The following SLC26A7 variants were observed in gnomAD, a reference collection of about 807,000 sequenced individuals.
The protein encoded by SLC26A7 is anion exchange transporter.
SLC26A7 carries 59 observed loss-of-function variants against 82.5 expected under a neutral mutation model. That is an observed-to-expected ratio of 0.72 (90% CI 0.58 to 0.89). The LOEUF is 0.89. Ranked by LOEUF, SLC26A7 falls within the 40% of genes least tolerant of loss-of-function variation. SLC26A7 has a pLI of 0.00. For synonymous variants in SLC26A7, 271 were observed against 274.3 expected (o/e 0.99, Z 0.12); for missense variants, 820 against 793.0 (o/e 1.03, Z -0.41).
chr8:91,343,240 G>C, intron 8 of SLC26A7, 113 bp from the exon 9 acceptor site: 1 of 655,596 alleles, frequency 1.5e-6, no homozygotes, highest in East Asian at 2.7e-5. Flanking sequence ...CCCAACTGGT[G>C]GGGAGAACAA....
rs35714602 is a variant in SLC26A7, at chr8:91,394,003, G to C, written c.1899G>C (p.Ser633=). ...LDSEKPIFFE[S]VSAAISHIHS... ...CAGAGAAACCAATTTTTTTTGAATC[G>C]GTATCTGCTGCAATAAGTCATATCC... Residue 633 remains serine (S), a synonymous_variant, in exon 18 of 19, where the codon TCG becomes TCC. Coordinates refer to ENST00000276609, the MANE Select transcript of SLC26A7 (RefSeq NM_052832.4). 1 of 1,613,300 alleles carries C rather than the reference G, an allele frequency of 6.2e-7. No individual in the cohort carries two copies. Among genetic ancestry groups the C allele is most frequent in the Non-Finnish European group, 8.5e-7 (1 of 1,179,538 alleles).
At chr8:91,275,483 G>A (rs1811384036) in intron 2 of SLC26A7, among the ~76,000 whole-genome samples, 1 of 151,916 alleles carries the variant, frequency 6.6e-6, no homozygotes, top group Non-Finnish European at 1.5e-5. Flanking sequence ...AATTTTTTGT[G>A]GAGACAGGGT....
intron 7 of SLC26A7, among the ~76,000 whole-genome samples, chr8:91,339,045 A>G (rs1563687174): frequency 6.6e-6 from 1 of 152,190 alleles, no homozygotes; most frequent in African/African-American, 2.4e-5. Context: ...GCACATATAG[A>G]TATAGGCTAA....
At chr8:91,274,523 G>A (rs1023331139) in intron 2 of SLC26A7, among the ~76,000 whole-genome samples, 16 of 152,168 alleles carry the variant, frequency 1.1e-4, no homozygotes, top group Admixed American at 6.5e-5. Flanking sequence ...AGAGCACCAA[G>A]GAATGCAAGA....
chr8:91,379,883 A>G (rs1351202351), intron 15 of SLC26A7, among the ~76,000 whole-genome samples: 2 of 152,194 alleles, frequency 1.3e-5, no homozygotes, highest in East Asian at 3.9e-4. Context: ...GGAAGAAGAT[A>G]GATGTAACTT....
chr8:91,359,060 C>A (rs1441113369), intron 11 of SLC26A7, among the ~76,000 whole-genome samples: 1 of 152,064 alleles, frequency 6.6e-6, no homozygotes, highest in Non-Finnish European at 1.5e-5. Context: ...GCACATGTAC[C>A]CTAGAACTTA....
chr8:91,363,414 T>G, intron 12 of SLC26A7, 58 bp from the exon 13 acceptor site: 1 of 1,097,828 alleles, frequency 9.1e-7, no homozygotes, highest in Non-Finnish European at 1.3e-6. Flanking sequence ...GGTTTCTTCA[T>G]TGTTTATATA....
chr8:91,226,709 A>T (rs1488655320), intron 2 of SLC26A7, among the ~76,000 whole-genome samples: 1 of 152,250 alleles, frequency 6.6e-6, no homozygotes, highest in Non-Finnish European at 1.5e-5. Flanking sequence ...CAATATAATG[A>T]TAAGTACTTT....
At chr8:91,335,984 C>A (rs1184946004) in intron 6 of SLC26A7, among the ~76,000 whole-genome samples, 1 of 152,180 alleles carries the variant, frequency 6.6e-6, no homozygotes, top group African/African-American at 2.4e-5. Context: ...TCCGTCCTCA[C>A]TTCCAGGCTC....
intron 2 of SLC26A7, among the ~76,000 whole-genome samples, chr8:91,266,102 T>G (rs1811104713): frequency 6.6e-6 from 1 of 151,952 alleles, no homozygotes; most frequent in Non-Finnish European, 1.5e-5. Context: ...TCATTTTGAG[T>G]TGATTTTTGT....
At chr8:91,369,945 T>C (rs1023488979) in intron 15 of SLC26A7, 112 bp downstream of exon 15, 3 of 829,474 alleles carry the variant, frequency 3.6e-6, no homozygotes, top group East Asian at 2.9e-5. Flanking sequence ...TCTGTTCTTC[T>C]TCTTTTTCTC....
chr8:91,344,270 C>G, intron 9 of SLC26A7: 3 of 926,948 alleles, frequency 3.2e-6, no homozygotes, highest in Non-Finnish European at 3.9e-6. Flanking sequence ...AAGTAACTTA[C>G]CCAGGTCATA....
chr8:91,240,792 G>A (rs1442229115), intron 2 of SLC26A7, among the ~76,000 whole-genome samples: 1 of 152,064 alleles, frequency 6.6e-6, no homozygotes, highest in Non-Finnish European at 1.5e-5. Flanking sequence ...TTAAGATCCT[G>A]GGAAAGCATG....
intron 6 of SLC26A7, among the ~76,000 whole-genome samples, chr8:91,336,704 C>G (rs528151034): frequency 6.6e-6 from 1 of 152,216 alleles, no homozygotes; most frequent in Non-Finnish European, 1.5e-5. Context: ...GGACCAATTA[C>G]TCAACTGATA....
At chr8:91,296,042 AATGT>A in intron 4 of SLC26A7, among the ~76,000 whole-genome samples, 1 of 152,276 alleles carries the variant, frequency 6.6e-6, no homozygotes, top group Middle Eastern at 3.4e-3. Context: ...ACTGTAAGGG[AATGT>A]TATAGGAAAA....
At chr8:91,368,248 C>T (rs1269637773) in intron 14 of SLC26A7, among the ~76,000 whole-genome samples, 1 of 152,162 alleles carries the variant, frequency 6.6e-6, no homozygotes, top group East Asian at 1.9e-4. Flanking sequence ...TGCCAGGTTT[C>T]TACACTGTAA....
chr8:91,279,548 T>G (rs1811508786), intron 2 of SLC26A7, among the ~76,000 whole-genome samples: 1 of 152,058 alleles, frequency 6.6e-6, no homozygotes, highest in Non-Finnish European at 1.5e-5. Flanking sequence ...ATGATTAGTG[T>G]TGTTGTGTAT....
Position 91,394,001 on chromosome 8 carries a change from T to A in SLC26A7, c.1897T>A (p.Ser633Thr), listed in dbSNP as rs1230190701. The part of the protein sequence containing the change: ...LDSEKPIFFE[S>T]VSAAISHIHS... ...CTCAGAGAAACCAATTTTTTTTGAA[T>A]CGGTATCTGCTGCAATAAGTCATAT... The change falls in exon 18 of 19, where the codon TCG (serine) becomes ACG (threonine). Residue 633 changes from serine to threonine, a missense_variant. By Grantham distance (58) the Ser-to-Thr change is moderately conservative (BLOSUM62 1). Transcript: ENST00000276609. 3.1e-6 allele frequency: 5 copies of A among 1,613,714 alleles called. No homozygotes were observed.
At chr8:91,237,136 T>G (rs1034247966) in intron 2 of SLC26A7, among the ~76,000 whole-genome samples, 4 of 152,200 alleles carry the variant, frequency 2.6e-5, no homozygotes, top group African/African-American at 9.6e-5. Context: ...CTGAACTCTG[T>G]TATAGTATTT....
Sources: gnomAD v4.1 joint callset for allele counts (sites outside exome capture counted in the v4.1 genomes callset) on GRCh38, gnomAD v4.1.1 for gene constraint, MANE v1.5 for transcripts, NCBI Gene and HGNC (gene_info 2026-07-23, HGNC 2026-07-21) for gene names.